CDC25C: variants seen among roughly 807,000 people sequenced by gnomAD.
CDC25C encodes cell division cycle 25C.
CDC25C carries 48 observed loss-of-function variants against 52.5 expected under a neutral mutation model. The ratio of observed to expected loss-of-function variants is 0.91; its 90% CI spans 0.72 to 1.16. CDC25C has a LOEUF of 1.16. Ranked by LOEUF, CDC25C falls within the 50% of genes most tolerant of loss-of-function variation. CDC25C has a pLI of 0.00. For missense variants in CDC25C, 510 were observed against 566.1 expected (o/e 0.90, Z 1.01); for synonymous variants, 187 against 206.5 (o/e 0.91, Z 0.81).
intron 6 of CDC25C, among the ~76,000 whole-genome samples, chr5:138,324,739 C>A (rs1405446680): frequency 2.0e-5 from 3 of 147,206 alleles, no homozygotes; most frequent in South Asian, 2.2e-4. Context: ...CCCTGGGGAA[C>A]AAGAGCAAAA....
chr5:138,299,477 C>T lies in CDC25C; in HGVS notation c.616-7361G>A, dbSNP rs1208826939. Among the ~76,000 whole-genome samples, 10 of 106,382 alleles carry T rather than the reference C, an allele frequency of 9.4e-5. 1 individual carries two copies. The East Asian group carries it at 2.8e-3, about 29-fold the overall frequency. 69.8% of individuals were successfully genotyped at this position (106,382 alleles called of 152,430 possible). Reference sequence around the variant, plus strand: ...CACCACTGCCCTCCAGCCTGGGGGACAGAGCAAGACTCCGTCTCAAAAAAA... The same window carrying T: ...CACCACTGCCCTCCAGCCTGGGGGATAGAGCAAGACTCCGTCTCAAAAAAA... On this transcript the variant is annotated intron_variant, in intron 7 of 13. Transcript: ENST00000323760.
intron 7 of CDC25C, among the ~76,000 whole-genome samples, chr5:138,299,806 T>C (rs1052131502): frequency 2.6e-5 from 4 of 151,068 alleles, no homozygotes; most frequent in African/African-American, 4.9e-5. Flanking sequence ...CTTAAGAGAA[T>C]AGAAAAACAA....
chr5:138,322,530 C>G (rs1317956206), intron 6 of CDC25C, among the ~76,000 whole-genome samples: 2 of 119,710 alleles, frequency 1.7e-5, no homozygotes, highest in Admixed American at 1.1e-4. Flanking sequence ...GACTGGAGTA[C>G]AGTGGCACGA....
chr5:138,311,554 A>C (rs760331740), intron 7 of CDC25C, among the ~76,000 whole-genome samples: 2 of 152,092 alleles, frequency 1.3e-5, no homozygotes, highest in Non-Finnish European at 2.9e-5. Context: ...ATGTGATCGC[A>C]TCACTATACT....
At chr5:138,298,150 C>T (rs1473605454) in intron 7 of CDC25C, among the ~76,000 whole-genome samples, 1 of 145,004 alleles carries the variant, frequency 6.9e-6, no homozygotes, top group Non-Finnish European at 1.5e-5. Context: ...AGGCTTGAGC[C>T]ACCACACCTT....
At chr5:138,331,936 G>T (rs901013341), upstream of CDC25C, 2 of 977,284 alleles carry the variant, frequency 2.0e-6, no homozygotes, top group African/African-American at 1.8e-5. Flanking sequence ...TGGGCTCGCA[G>T]ATCACCTGGG....
intron 7 of CDC25C, 108 bp downstream of exon 7, chr5:138,319,110 GT>G (rs1344954350): frequency 1.1e-6 from 1 of 946,148 alleles, no homozygotes; most frequent in African/African-American, 1.6e-5. Flanking sequence ...GGATTCACTA[GT>G]TATTTTTTTG....
chr5:138,334,871 T>A (rs1053137196), upstream of CDC25C, among the ~76,000 whole-genome samples: 4 of 152,242 alleles, frequency 2.6e-5, no homozygotes, highest in African/African-American at 9.6e-5. Flanking sequence ...GGTGTTGGAA[T>A]ATATCTAAGT....
intron 7 of CDC25C, among the ~76,000 whole-genome samples, chr5:138,316,308 G>T (rs2126779242): frequency 6.6e-6 from 1 of 152,352 alleles, no homozygotes; most frequent in South Asian, 2.1e-4. Context: ...GGGCGGATCT[G>T]TGTGTGCACC....
At chr5:138,310,558 C>T (rs151134938) in intron 7 of CDC25C, among the ~76,000 whole-genome samples, 144 of 152,338 alleles carry the variant, frequency 9.5e-4, no homozygotes, top group African/African-American at 3.3e-3. Context: ...TAAGCACTTA[C>T]ACTACACAAT....
intron 7 of CDC25C, among the ~76,000 whole-genome samples, chr5:138,298,480 A>G (rs1757381923): frequency 6.6e-6 from 1 of 152,102 alleles, no homozygotes; most frequent in Admixed American, 6.6e-5. Flanking sequence ...CGCCAGGCGC[A>G]GTGGCTCAAA....
intron 7 of CDC25C, among the ~76,000 whole-genome samples, chr5:138,312,094 C>G (rs563049280): frequency 1.3e-5 from 2 of 152,262 alleles, no homozygotes; most frequent in South Asian, 4.1e-4. Flanking sequence ...TTGTGCATTG[C>G]TGGTGGGAAT....
chr5:138,333,237 A>G (rs982459206), upstream of CDC25C, among the ~76,000 whole-genome samples: 1 of 152,208 alleles, frequency 6.6e-6, no homozygotes, highest in African/African-American at 2.4e-5. Context: ...TCCAAAAACG[A>G]TAATTCGATA....
intron 6 of CDC25C, among the ~76,000 whole-genome samples, chr5:138,320,417 A>C (rs1347620477): frequency 6.6e-6 from 1 of 152,222 alleles, no homozygotes; most frequent in African/African-American, 2.4e-5. Flanking sequence ...AACAACTCAA[A>C]ATGTCCATCA....
intron 7 of CDC25C, among the ~76,000 whole-genome samples, chr5:138,307,088 C>T (rs1216446052): frequency 6.6e-6 from 1 of 151,902 alleles, no homozygotes; most frequent in African/African-American, 2.4e-5. Flanking sequence ...AAGGGATCTG[C>T]CTGCCTCGGC....
intron 3 of CDC25C, 82 bp downstream of exon 3, chr5:138,329,471 C>G: frequency 1.1e-6 from 1 of 903,078 alleles, no homozygotes; most frequent in Non-Finnish European, 1.8e-6. Flanking sequence ...ACTTTCACCA[C>G]CTTCCGTCTC....
chr5:138,294,565 C>T (rs1158245837), intron 7 of CDC25C, among the ~76,000 whole-genome samples: 4 of 141,534 alleles, frequency 2.8e-5, no homozygotes, highest in East Asian at 4.1e-4. Context: ...AGTGCAGTGG[C>T]GCGACCTCAG....
At chr5:138,333,915 C>T (rs547222583), upstream of CDC25C, among the ~76,000 whole-genome samples, 3 of 151,944 alleles carry the variant, frequency 2.0e-5, no homozygotes, top group Non-Finnish European at 4.4e-5. Context: ...TCAAATGGAA[C>T]TTATACACCT....
intron 7 of CDC25C, among the ~76,000 whole-genome samples, chr5:138,301,419 G>C (rs1757616335): frequency 6.6e-6 from 1 of 152,126 alleles, no homozygotes; most frequent in Non-Finnish European, 1.5e-5. Flanking sequence ...AAACTGAGTA[G>C]TTCCTATCTG....
Sources: allele counts gnomAD v4.1 joint callset (sites outside exome capture counted in the v4.1 genomes callset), GRCh38; gene constraint gnomAD v4.1.1; transcripts MANE v1.5; gene names NCBI Gene and HGNC (gene_info 2026-07-23, HGNC 2026-07-21).